The following CLMN variants were observed in gnomAD, a reference collection of about 807,000 sequenced individuals.
CLMN encodes calmin (calponin-like, transmembrane).
CLMN carries 57 observed loss-of-function variants against 92.7 expected under a neutral mutation model. The ratio of observed to expected loss-of-function variants is 0.61; its 90% CI spans 0.50 to 0.77. CLMN has a LOEUF of 0.77. Among genes scored for constraint, CLMN ranks in the 30% least tolerant of loss-of-function variants. The pLI, the probability that CLMN is intolerant of heterozygous loss-of-function variation, is 0.00. For missense variants in CLMN, 1,158 were observed against 1,237.5 expected, an observed-to-expected ratio of 0.94 and a Z score of 0.96; for synonymous variants, 466 against 470.6, an observed-to-expected ratio of 0.99 and a Z score of 0.13.
chr14:95,253,116 C>A (rs531217109), intron 1 of CLMN, among the ~76,000 whole-genome samples: 1 of 152,288 alleles, frequency 6.6e-6, no homozygotes, highest in African/African-American at 2.4e-5. Flanking sequence ...AAACTCCAGG[C>A]ATCTTCCCCT....
At chr14:95,268,290 G>T (rs897882588) in intron 1 of CLMN, among the ~76,000 whole-genome samples, 16 of 149,498 alleles carry the variant, frequency 1.1e-4, no homozygotes, top group Non-Finnish European at 2.2e-4. Flanking sequence ...TATGTGTATC[G>T]TTTATGTAAC....
At chr14:95,283,217 G>C (rs1469490348) in intron 1 of CLMN, among the ~76,000 whole-genome samples, 1 of 152,198 alleles carries the variant, frequency 6.6e-6, no homozygotes. Flanking sequence ...GGTTTATCAG[G>C]GGTTTTTGCT....
chr14:95,195,423 G>C (rs1595552264), intron 10 of CLMN, among the ~76,000 whole-genome samples: 2 of 152,314 alleles, frequency 1.3e-5, no homozygotes, highest in East Asian at 3.9e-4. Context: ...CCCTGCCTCT[G>C]TTTCCCCAAA....
intron 1 of CLMN, among the ~76,000 whole-genome samples, chr14:95,252,214 C>T (rs940040079): frequency 4.6e-5 from 7 of 152,182 alleles, no homozygotes; most frequent in African/African-American, 1.2e-4. Flanking sequence ...AACCAGGGGT[C>T]AAGTGCAGGC....
At chr14:95,197,245 TGAA>T (rs1481263373) in intron 9 of CLMN, among the ~76,000 whole-genome samples, 2 of 144,918 alleles carry the variant, frequency 1.4e-5, no homozygotes, top group Admixed American at 1.4e-4. Context: ...TGAGACCCTG[TGAA>T]GAAGAAGGAA....
At chr14:95,236,759 C>T (rs116251585) in intron 1 of CLMN, among the ~76,000 whole-genome samples, 354 of 152,326 alleles carry the variant, frequency 2.3e-3, no homozygotes, top group African/African-American at 8.2e-3. Flanking sequence ...TGGACAATGT[C>T]AGTTCTGTAC....
In CLMN at chr14:95,191,857, A is replaced by G; in HGVS notation, c.2841-125T>C. On this transcript the variant is annotated intron_variant, in intron 12 of 12. Transcript: ENST00000298912. This position sits in a 1 kb window ranked among gnomAD's most constrained non-coding sequence, Gnocchi z 5.3. Reference sequence around the variant, plus strand: ...CCTGAAGACCCGAAGGCTCCCCAGCACCATGTCCAGGTAGGCCCCACACTG... The same window carrying G: ...CCTGAAGACCCGAAGGCTCCCCAGCGCCATGTCCAGGTAGGCCCCACACTG... 5.7e-6 allele frequency: 5 copies of G among 874,010 alleles called. No individual in the cohort carries two copies. The highest frequency in any genetic ancestry group is 5.2e-5 in the South Asian group (3 of 57,812). 54.1% of individuals were successfully genotyped at this position (874,010 alleles called of 1,614,324 possible). A position where few individuals can be genotyped will look rare whatever the true frequency, so the allele number is the denominator to read the frequency against.
Position 95,209,432 on chromosome 14 carries a change from A to G in CLMN, c.848T>C (p.Val283Ala), listed in dbSNP as rs760730745. The change falls in exon 8 of 13, where the codon GTG becomes GCG. Residue 283 changes from valine to alanine, a missense_variant. Transcript: ENST00000298912. ...CGGAAAACGTTCTAGAAACTGTGCC[A>G]CGTAAGTCATGATAGACTGCTCGTC... ...TPDEQSIMTY[V>A]AQFLERFPEL... 2 of 1,614,094 alleles carry G rather than the reference A, an allele frequency of 1.2e-6. No homozygotes were observed. The highest frequency in any genetic ancestry group is 1.7e-6 in the Non-Finnish European group (2 of 1,180,038).
At position 95,191,204 on chromosome 14, in the gene CLMN, A is replaced by G. The variant is rs373561764; in HGVS notation, c.*360T>C. 413 of 159,210 alleles carry G rather than the reference A, an allele frequency of 2.6e-3. 5 individuals carry two copies. Among genetic ancestry groups the G allele is most frequent in the African/African-American group, 9.0e-3 (377 of 41,822 alleles). The allele number at this position is 159,210 out of a possible 1,614,324, so 9.9% of individuals were successfully genotyped here. On this transcript the variant is annotated 3_prime_UTR_variant, in exon 13 of 13. Coordinates refer to ENST00000298912, the MANE Select transcript of CLMN (RefSeq NM_024734.4). The surrounding 1 kb of genome is among the most constrained non-coding windows in gnomAD (Gnocchi z 5.3). ...CCTTCATCTGAGAGGTAAGAAACTC[A>G]AGTTCATCCAGCGTGTGAACCTGCA...
chr14:95,250,878 G>C (rs886814972), intron 1 of CLMN, among the ~76,000 whole-genome samples: 4 of 152,190 alleles, frequency 2.6e-5, no homozygotes, highest in African/African-American at 9.7e-5. Context: ...GCCTCAAGAT[G>C]ATGAGCTACA....
At chr14:95,304,390 G>A (rs564677564) in intron 1 of CLMN, among the ~76,000 whole-genome samples, 2 of 152,096 alleles carry the variant, frequency 1.3e-5, no homozygotes, top group Admixed American at 1.3e-4. Context: ...CAGCAAGGAA[G>A]GATGAAAACC....
In CLMN at chr14:95,263,891, G is replaced by A. The variant is rs190965345; in HGVS notation, c.83-33758C>T. Among the ~76,000 whole-genome samples, 658 of 152,236 alleles carry A rather than the reference G, an allele frequency of 4.3e-3. 2 individuals carry two copies. Among genetic ancestry groups the A allele is most frequent in the Admixed American group, 0.016 (242 of 15,298 alleles). On this transcript the variant is annotated intron_variant, in intron 1 of 12. Transcript: ENST00000298912. ...GCACAGCAAATGCCCAGTGAGTGTC[G>A]GTTATGGTCATTGTCACTAGTATCA... is the stretch of plus-strand genomic sequence containing the variant.
At chr14:95,276,181 T>C (rs1310111688) in intron 1 of CLMN, among the ~76,000 whole-genome samples, 1 of 152,208 alleles carries the variant, frequency 6.6e-6, no homozygotes, top group Non-Finnish European at 1.5e-5. Flanking sequence ...GGGTAAGTGT[T>C]TGGGTATTTT....
chr14:95,225,905 T>C (rs1417858355), intron 2 of CLMN, among the ~76,000 whole-genome samples: 1 of 152,192 alleles, frequency 6.6e-6, no homozygotes, highest in African/African-American at 2.4e-5. Context: ...TGCTAGGAGC[T>C]TGGCTGGACG....
In CLMN at chr14:95,215,813, CTCTGTGTGTGTG is replaced by C. The variant is rs1406400891; in HGVS notation, c.325-92_325-81del. ...TGTTATTTTCTGGTTCTCTCTCTCT[CTCTGTGTGTGTG>C]TGTGTGTGTGTGTGTGTGTGTGTGT... On this transcript the variant is annotated intron_variant, in intron 4 of 12. Transcript: ENST00000298912. 3,459 of 850,372 alleles carry C rather than the reference CTCTGTGTGTGTG, an allele frequency of 4.1e-3. 46 individuals carry two copies. In the African/African-American group the frequency reaches 0.042, roughly 10 times the overall value. 52.7% of individuals were successfully genotyped at this position (850,372 alleles called of 1,614,324 possible).
Position 95,203,689 on chromosome 14 carries a change from C to A in CLMN, c.1660G>T (p.Asp554Tyr). The change falls in exon 9 of 13, where the codon GAC becomes TAC. Residue 554 changes from aspartate to tyrosine, a missense_variant. Asp to Tyr is a radical substitution (Grantham distance 160). Coordinates refer to ENST00000298912, the MANE Select transcript of CLMN (RefSeq NM_024734.4). ...TTTAATGGGATGGCTTCAAAATAGT[C>A]TCCCTCCTCTAAAGCTTCTACAGTC... ...LMTVEALEEGDYFEAIPLKAS... is the reference protein window; with the variant it reads ...LMTVEALEEGYYFEAIPLKAS... The A allele has an allele frequency of 6.2e-7, 1 of 1,614,132 alleles. No individual in the cohort carries two copies.
At chr14:95,304,635 A>T (rs574114645) in intron 1 of CLMN, among the ~76,000 whole-genome samples, 1 of 152,262 alleles carries the variant, frequency 6.6e-6, no homozygotes, top group African/African-American at 2.4e-5. Flanking sequence ...ATCTCAATGC[A>T]AATTGTACTG....
chr14:95,258,261 T>A (rs1566899320), intron 1 of CLMN, among the ~76,000 whole-genome samples: 1 of 150,518 alleles, frequency 6.6e-6, no homozygotes, highest in Non-Finnish European at 1.5e-5. Flanking sequence ...TATGTATGTA[T>A]CTGTGACATG....
intron 1 of CLMN, among the ~76,000 whole-genome samples, chr14:95,250,907 G>T (rs1016879033): frequency 2.6e-5 from 4 of 152,190 alleles, no homozygotes; most frequent in African/African-American, 9.7e-5. Flanking sequence ...TGTGGGAGCT[G>T]GGAGGGGAGG....
Sources: allele counts gnomAD v4.1 joint callset (sites outside exome capture counted in the v4.1 genomes callset), GRCh38; gene constraint gnomAD v4.1.1; non-coding constraint Gnocchi (gnomAD v3.1); transcripts MANE v1.5; gene names NCBI Gene and HGNC (gene_info 2026-07-23, HGNC 2026-07-21).